The following KCNIP4 variants were observed in gnomAD, a reference collection of about 807,000 sequenced individuals.
The protein encoded by KCNIP4 is Kv channel-interacting protein 4.
KCNIP4 carries 12 observed loss-of-function variants against 34.0 expected under a neutral mutation model. The ratio of observed to expected loss-of-function variants is 0.35; its 90% CI spans 0.23 to 0.57. The LOEUF (loss-of-function observed/expected upper bound fraction) is 0.57, where lower values mean the gene tolerates loss of function less well. Among genes scored for constraint, KCNIP4 ranks in the 20% least tolerant of loss-of-function variants. KCNIP4 has a pLI of 0.83. For synonymous variants in KCNIP4, 124 were observed against 102.2 expected (o/e 1.21, Z -1.29); for missense variants, 238 against 311.7 (o/e 0.76, Z 1.78).
In KCNIP4 at chr4:21,744,354, C is replaced by A. The variant is rs551141275; in HGVS notation, c.61+204217G>T. 3.3e-3 allele frequency among the ~76,000 whole-genome samples: 500 copies of A among 152,272 alleles called. 3 individuals are homozygous for A. Among genetic ancestry groups the A allele is most frequent in the African/African-American group, 0.01 (420 of 41,560 alleles). ...CTCTCATCTCAAATAACATTGACCC[C>A]TGCCTCCCTGGAATTCCACTGGACA... On this transcript the variant is annotated intron_variant, in intron 1 of 8. Coordinates refer to ENST00000382152, the MANE Select transcript of KCNIP4 (RefSeq NM_025221.6).
Position 21,643,909 on chromosome 4 carries a change from T to C in KCNIP4, c.61+304662A>G, listed in dbSNP as rs534256093. Among the ~76,000 whole-genome samples the C allele has an allele frequency of 6.8e-4, 97 of 142,404 alleles. 1 individual carries two copies. In the South Asian group the frequency reaches 0.018, roughly 26 times the overall value. The allele number at this position is 142,404 out of a possible 152,430, so 93.4% of individuals were successfully genotyped here. On this transcript the variant is annotated intron_variant, in intron 1 of 8. Coordinates refer to ENST00000382152, the MANE Select transcript of KCNIP4 (RefSeq NM_025221.6). ...ATAGATAGATAGATAGATAGATAGA[T>C]AGATAGACTGGCAGAAAGATAGATA...
intron 1 of KCNIP4, among the ~76,000 whole-genome samples, chr4:21,180,342 TAAG>T: frequency 6.6e-6 from 1 of 151,962 alleles, no homozygotes; most frequent in South Asian, 2.1e-4. Flanking sequence ...TGCTTAAAAA[TAAG>T]AAAAAAGATT....
At chr4:21,670,911 C>T (rs960468710) in intron 1 of KCNIP4, among the ~76,000 whole-genome samples, 6 of 151,938 alleles carry the variant, frequency 3.9e-5, no homozygotes, top group Non-Finnish European at 8.8e-5. Flanking sequence ...CCGCCTCGGC[C>T]TCCCAAAGTG....
At position 20,916,424 on chromosome 4, in the gene KCNIP4, A is replaced by C. The variant is rs143385405; in HGVS notation, c.62-33715T>G. 8 of 796,174 alleles carry C rather than the reference A, an allele frequency of 1.0e-5. No individual in the cohort carries two copies. The East Asian group carries it at 1.0e-3, about 101-fold the overall frequency. 49.3% of individuals were successfully genotyped at this position (796,174 alleles called of 1,614,324 possible). A position where few individuals can be genotyped will look rare whatever the true frequency, so the allele number is the denominator to read the frequency against. ...TTCAGTAGCTTTATGCACTAATAGA[A>C]AATATATGTGTGGTTTCTGTGTGCA... On this transcript the variant is annotated intron_variant, in intron 1 of 8. Coordinates refer to ENST00000382152, the MANE Select transcript of KCNIP4 (RefSeq NM_025221.6).
chr4:20,864,223 CATATATAT>C (rs1722603664), intron 2 of KCNIP4, among the ~76,000 whole-genome samples: 2 of 144,504 alleles, frequency 1.4e-5, no homozygotes, highest in Non-Finnish European at 3.1e-5. Flanking sequence ...TGTATATATG[CATATATAT>C]GTACACATAT....
chr4:21,792,097 C>T lies in KCNIP4; in HGVS notation c.61+156474G>A, dbSNP rs560168430. Among the ~76,000 whole-genome samples, 585 of 143,246 alleles carry T rather than the reference C, an allele frequency of 4.1e-3. 3 individuals are homozygous for T. Among genetic ancestry groups the T allele is most frequent in the African/African-American group, 0.015 (557 of 37,714 alleles). 94.0% of individuals were successfully genotyped at this position (143,246 alleles called of 152,430 possible). On this transcript the variant is annotated intron_variant, in intron 1 of 8. Coordinates refer to ENST00000382152, the MANE Select transcript of KCNIP4 (RefSeq NM_025221.6). ...TTTTGAGACACTGCTTTCTGATTTT[C>T]GTGGTGGGAAGGGTTGGCTTGCTTA... is the stretch of plus-strand genomic sequence containing the variant.
At chr4:20,732,822 A>G (rs770354942) in intron 6 of KCNIP4, 37 bp from the exon 7 acceptor site, 11 of 1,219,580 alleles carry the variant, frequency 9.0e-6, no homozygotes, top group Middle Eastern at 1.9e-4. Context: ...GGCTGCACAC[A>G]TGTATGAAGA....
intron 1 of KCNIP4, among the ~76,000 whole-genome samples, chr4:21,434,578 C>T (rs926972597): frequency 4.6e-5 from 7 of 151,952 alleles, no homozygotes; most frequent in African/African-American, 1.7e-4. Context: ...GGCAAGTGAG[C>T]ATTACTGCCT....
rs3080812 is a variant in KCNIP4 at position 21,183,469 on chromosome 4, G to GTTTTT, written c.62-300765_62-300761dup. Among the ~76,000 whole-genome samples, 160 of 128,304 alleles carry GTTTTT rather than the reference G, an allele frequency of 1.2e-3. 2 individuals are homozygous for GTTTTT. Among genetic ancestry groups the GTTTTT allele is most frequent in the African/African-American group, 4.4e-3 (153 of 34,934 alleles). 84.2% of individuals were successfully genotyped at this position (128,304 alleles called of 152,430 possible). On this transcript the variant is annotated intron_variant, in intron 1 of 8. Coordinates refer to ENST00000382152, the MANE Select transcript of KCNIP4 (RefSeq NM_025221.6). The stretch of plus-strand genomic sequence containing the variant: ...TTTCTGTAATGGCTGTGTTGTTTTT[G>GTTTTT]TTTTTTTTTTTTTTGGTTTTTGGAG...
chr4:21,200,751 A>G (rs1451720752), intron 1 of KCNIP4, among the ~76,000 whole-genome samples: 4 of 151,996 alleles, frequency 2.6e-5, no homozygotes. Flanking sequence ...CAATTCATGC[A>G]TGTAACAAAA....
chr4:21,046,714 T>C (rs11938040), intron 1 of KCNIP4, among the ~76,000 whole-genome samples: 77,183 of 151,804 alleles, frequency 0.51, 21,303 homozygotes, highest in African/African-American at 0.74. Flanking sequence ...GCCTTGGCCC[T>C]GCAAGTAGCT....
chr4:21,110,474 C>T (rs986473908), intron 1 of KCNIP4, among the ~76,000 whole-genome samples: 5 of 152,184 alleles, frequency 3.3e-5, no homozygotes, highest in African/African-American at 1.2e-4. Context: ...TCGTGTCAAA[C>T]TTGTGCTTAC....
In KCNIP4 at chr4:21,760,105, CATA is replaced by C. The variant is rs528073040; in HGVS notation, c.61+188463_61+188465del. ...AAATATGAACAATGATGTTCTCACCCATAATGTTGCCGTGCAGCTCAATTACTC... is the reference window on the plus strand; with the variant it reads ...AAATATGAACAATGATGTTCTCACCCATGTTGCCGTGCAGCTCAATTACTC... On this transcript the variant is annotated intron_variant, in intron 1 of 8. Coordinates refer to ENST00000382152, the MANE Select transcript of KCNIP4 (RefSeq NM_025221.6). Among the ~76,000 whole-genome samples the C allele has an allele frequency of 4.2e-3, 633 of 152,156 alleles. 3 individuals carry two copies. The highest frequency in any genetic ancestry group is 0.014 in the African/African-American group (588 of 41,524).
chr4:21,734,304 G>A (rs1715827499), intron 1 of KCNIP4, among the ~76,000 whole-genome samples: 1 of 152,046 alleles, frequency 6.6e-6, no homozygotes, highest in Non-Finnish European at 1.5e-5. Flanking sequence ...ATGTACATTA[G>A]GAAGACAAAC....
intron 1 of KCNIP4, among the ~76,000 whole-genome samples, chr4:21,572,354 T>C (rs1435356079): frequency 1.3e-5 from 2 of 152,188 alleles, no homozygotes; most frequent in Non-Finnish European, 2.9e-5. Context: ...GCCTCCTGTA[T>C]TCTTCCTGTA....
chr4:20,740,653 G>A (rs1241497767), intron 5 of KCNIP4, among the ~76,000 whole-genome samples: 1 of 152,176 alleles, frequency 6.6e-6, no homozygotes, highest in Non-Finnish European at 1.5e-5. Flanking sequence ...AGGCTAGGAA[G>A]AAACTGCATC....
intron 1 of KCNIP4, among the ~76,000 whole-genome samples, chr4:21,132,618 G>A (rs1334061782): frequency 6.6e-6 from 1 of 152,202 alleles, no homozygotes; most frequent in African/African-American, 2.4e-5. Flanking sequence ...TTTTAAAGAT[G>A]TGAACTAGAT....
chr4:21,029,332 C>T (rs1341383752), intron 1 of KCNIP4, among the ~76,000 whole-genome samples: 3 of 152,126 alleles, frequency 2.0e-5, no homozygotes, highest in African/African-American at 4.8e-5. Flanking sequence ...TATATTCGTT[C>T]CTACCTCATA....
intron 1 of KCNIP4, among the ~76,000 whole-genome samples, chr4:21,407,640 G>C (rs1329797095): frequency 6.6e-6 from 1 of 152,118 alleles, no homozygotes; most frequent in Non-Finnish European, 1.5e-5. Context: ...GCTAGAATTG[G>C]TATCAGTTTA....
Sources: gnomAD v4.1 joint callset for allele counts (sites outside exome capture counted in the v4.1 genomes callset) on GRCh38, gnomAD v4.1.1 for gene constraint, MANE v1.5 for transcripts, NCBI Gene and HGNC (gene_info 2026-07-23, HGNC 2026-07-21) for gene names.